The following CETP variants were observed in gnomAD, a reference collection of about 807,000 sequenced individuals.
CETP encodes BPI fold containing family F.
A neutral mutation model predicts 66.5 loss-of-function variants in CETP; 56 were observed. The ratio of observed to expected loss-of-function variants is 0.84; its 90% CI spans 0.68 to 1.05. CETP has a LOEUF of 1.05. CETP is among the 50% of genes least tolerant of loss of function. The pLI, the probability that CETP is intolerant of heterozygous loss-of-function variation, is 0.00. For missense variants in CETP, 612 were observed against 609.6 expected (o/e 1.00, Z -0.04); for synonymous variants, 251 against 245.7 (o/e 1.02, Z -0.20).
chr16:56,964,120 G>A (rs1054629225), intron 2 of CETP, among the ~76,000 whole-genome samples: 1 of 151,554 alleles, frequency 6.6e-6, no homozygotes, highest in African/African-American at 2.4e-5. Flanking sequence ...TCCACCTCCC[G>A]GGTTCAAGAC....
chr16:56,971,088 G>A lies in CETP; in HGVS notation c.583G>A (p.Val195Ile). 2 of 1,614,058 alleles carry A rather than the reference G, an allele frequency of 1.2e-6. No homozygotes were observed. Among genetic ancestry groups the A allele is most frequent in the South Asian group, 1.1e-5 (1 of 91,080 alleles). ...TTTCATCTCCTTCACCCTGAAGCTG[G>A]TCCTGAAGGGACAGGTGAGTGAGGC... ...TNFISFTLKL[V>I]LKGQICKEIN... Residue 195 changes from valine to isoleucine, a missense_variant, in exon 6 of 16, where the codon GTC (valine) becomes ATC (isoleucine). Transcript: ENST00000200676.
intron 2 of CETP, among the ~76,000 whole-genome samples, chr16:56,967,550 GA>G (rs2056076353): frequency 6.6e-6 from 1 of 151,620 alleles, no homozygotes. Flanking sequence ...AGCTACTAGG[GA>G]GGCTGAGGCA....
Position 56,978,078 on chromosome 16 carries a change from C to T in CETP, c.982-13C>T. 1.9e-6 allele frequency: 3 copies of T among 1,613,790 alleles called. No individual in the cohort carries two copies. The highest frequency in any genetic ancestry group is 2.7e-5 in the African/African-American group (2 of 75,068). On this transcript the variant is annotated splice_polypyrimidine_tract_variant and intron_variant, in intron 10 of 15. Transcript: ENST00000200676. ...GGCCCCTGTCCTGGCCATGGGACCC[C>T]TGTCTTCCACAGGTTGTCGGCGGCT...
At position 56,981,659 on chromosome 16, in the gene CETP, G is replaced by A. The variant is rs2142006540; in HGVS notation, c.1227G>A (p.Lys409=). 6.2e-7 allele frequency: 1 copy of A among 1,613,974 alleles called. No individual in the cohort carries two copies. Among genetic ancestry groups the A allele is most frequent in the Non-Finnish European group, 8.5e-7 (1 of 1,179,844 alleles). The change falls in exon 13 of 16, where the codon AAG becomes AAA. Residue 409 remains lysine, a synonymous_variant. Transcript: ENST00000200676. ...LSLLDFQITP[K]TVSNLTESSS... ...TTTTTTATTTCAGGATTACACCAAA[G>A]ACTGTTTCCAACTTGACTGAGGTAG...
rs138725242 is a variant in CETP at position 56,978,222 on chromosome 16, C to A, written c.1113C>A (p.Asp371Glu). The change falls in exon 11 of 16, where the codon GAC becomes GAA. Residue 371 changes from aspartate to glutamate, a missense_variant. Asp to Glu is a conservative substitution (Grantham distance 45). Coordinates refer to ENST00000200676, the MANE Select transcript of CETP (RefSeq NM_000078.3). ...VMVKFLFPRPDQQHSVAYTFE... is the reference protein window; with the variant it reads ...VMVKFLFPRPEQQHSVAYTFE... The stretch of plus-strand genomic sequence containing the variant: ...TGAAATTCCTCTTTCCACGCCCAGA[C>A]CAGCAACATTCTGTAGCTTACACAT... 33 of 1,614,118 alleles carry A rather than the reference C, an allele frequency of 2.0e-5. No individual in the cohort carries two copies. The highest frequency in any genetic ancestry group is 2.8e-5 in the Non-Finnish European group (33 of 1,180,052).
At chr16:56,968,481 T>G (rs1015695108) in intron 2 of CETP, among the ~76,000 whole-genome samples, 8 of 152,276 alleles carry the variant, frequency 5.3e-5, no homozygotes, top group African/African-American at 1.9e-4. Flanking sequence ...GCCACCACGC[T>G]GGCCCACCAA....
intron 1 of CETP, 63 bp downstream of exon 1, chr16:56,962,160 G>C: frequency 7.1e-7 from 1 of 1,409,632 alleles, no homozygotes; most frequent in Non-Finnish European, 1.0e-6. Flanking sequence ...ACTATGCCAG[G>C]AGCCTCCCTG....
chr16:56,963,892 C>T (rs2056044631), intron 2 of CETP, among the ~76,000 whole-genome samples: 1 of 152,144 alleles, frequency 6.6e-6, no homozygotes, highest in African/African-American at 2.4e-5. Context: ...TGGTCTCCAA[C>T]TCCTGACCTC....
In CETP at chr16:56,963,071, C is replaced by A; in HGVS notation, c.180C>A (p.Ile60=). The A allele has an allele frequency of 1.2e-6, 2 of 1,614,184 alleles. No homozygotes were observed. The highest frequency in any genetic ancestry group is 1.7e-6 in the Non-Finnish European group (2 of 1,180,010). Residue 60 remains isoleucine, a synonymous_variant, in exon 2 of 16, where the codon ATC becomes ATA. Transcript: ENST00000200676. ...TCCAGCGAGCCAGCTACCCAGATAT[C>A]ACGGGCGAGAAGGCCATGATGCTCC... ...TAFQRASYPD[I]TGEKAMMLLG...
rs564161705 is a variant in CETP, at chr16:56,975,241, C to G, written c.981+90C>G. 4.6e-6 allele frequency: 5 copies of G among 1,078,112 alleles called. No homozygotes were observed. The East Asian group carries it at 1.2e-4, about 26-fold the overall frequency. 66.8% of individuals were successfully genotyped at this position (1,078,112 alleles called of 1,614,324 possible). On this transcript the variant is annotated intron_variant, in intron 10 of 15. Transcript: ENST00000200676. ...AGCCCCCACACAGCCAATAACACCACCAATGGCAACAATTATAACAGCGAA... is the reference window on the plus strand; with the variant it reads ...AGCCCCCACACAGCCAATAACACCAGCAATGGCAACAATTATAACAGCGAA...
intron 2 of CETP, among the ~76,000 whole-genome samples, chr16:56,968,024 C>A (rs1238732932): frequency 1.3e-5 from 2 of 151,054 alleles, no homozygotes; most frequent in Non-Finnish European, 2.9e-5. Context: ...CTAGTTGTTT[C>A]CTATACCAGA....
chr16:56,967,172 AC>A, intron 2 of CETP, among the ~76,000 whole-genome samples: 1 of 148,932 alleles, frequency 6.7e-6, no homozygotes, highest in East Asian at 2.0e-4. Flanking sequence ...ACATGGTGAA[AC>A]CCTATCTCTA....
At chr16:56,968,652 A>T (rs544511253) in intron 2 of CETP, among the ~76,000 whole-genome samples, 1 of 151,288 alleles carries the variant, frequency 6.6e-6, no homozygotes, top group African/African-American at 2.4e-5. Flanking sequence ...GTATTCTCTC[A>T]TAATTCCTTT....
In CETP at chr16:56,963,124, A is replaced by G; in HGVS notation, c.233A>G (p.Asn78Ser). Reference sequence around the variant, plus strand: ...GGCCAAGTCAAGTATGGGTTGCACAAGTGAGTCGGGCCTCGGGTGTGACCA... The same window carrying G: ...GGCCAAGTCAAGTATGGGTTGCACAGGTGAGTCGGGCCTCGGGTGTGACCA... ...LLGQVKYGLH[N>S]IQISHLSIAS... is the part of the protein sequence containing the mutation. Residue 78 changes from asparagine (N) to serine (S), a missense_variant and splice_region_variant, in exon 2 of 16, where the codon AAC (asparagine) becomes AGC (serine). Coordinates refer to ENST00000200676, the MANE Select transcript of CETP (RefSeq NM_000078.3). The G allele has an allele frequency of 6.2e-7, 1 of 1,611,870 alleles. No homozygotes were observed. The highest frequency in any genetic ancestry group is 8.5e-7 in the Non-Finnish European group (1 of 1,178,650).
In CETP at chr16:56,972,060, T is replaced by C. The variant is rs1381352561; in HGVS notation, c.727T>C (p.Ser243Pro). ...SLTGDPVITA[S>P]YLESHHKGHF... ...GACAGGTGATCCCGTCATCACAGCC[T>C]CCTACCTGGAGTCCCATCACAAGGT... is the stretch of plus-strand genomic sequence containing the variant. Residue 243 changes from serine (S) to proline (P), a missense_variant, in exon 8 of 16, where the codon TCC becomes CCC. Ser to Pro is a moderately conservative substitution (Grantham distance 74). Transcript: ENST00000200676. 1.2e-6 allele frequency: 2 copies of C among 1,614,000 alleles called. No individual in the cohort carries two copies. Among genetic ancestry groups the C allele is most frequent in the Non-Finnish European group, 1.7e-6 (2 of 1,179,898 alleles).
At chr16:56,972,536 G>A (rs567722580) in intron 8 of CETP, among the ~76,000 whole-genome samples, 13 of 152,290 alleles carry the variant, frequency 8.5e-5, no homozygotes, top group South Asian at 4.1e-4. Flanking sequence ...GCAGCCCCGC[G>A]GGATCAGGAG....
rs17231583 is a variant in CETP, at chr16:56,966,048, G to C, written c.233+2924G>C. Among the ~76,000 whole-genome samples, 792 of 152,166 alleles carry C rather than the reference G, an allele frequency of 5.2e-3. 12 individuals carry two copies. The highest frequency in any genetic ancestry group is 0.018 in the African/African-American group (753 of 41,458). On this transcript the variant is annotated intron_variant, in intron 2 of 15. Coordinates refer to ENST00000200676, the MANE Select transcript of CETP (RefSeq NM_000078.3). The stretch of plus-strand genomic sequence containing the variant: ...TGTCACCTCCTCCCAGAAGCCCTCT[G>C]TATCAGTTTCCTGTTTTCTGCCATA...
intron 2 of CETP, among the ~76,000 whole-genome samples, chr16:56,964,183 C>T (rs1380217700): frequency 2.0e-5 from 3 of 151,862 alleles, no homozygotes; most frequent in South Asian, 2.1e-4. Context: ...CCCACCACCA[C>T]GCCCGGCTAA....
At chr16:56,964,564 G>C (rs2056051988) in intron 2 of CETP, among the ~76,000 whole-genome samples, 1 of 152,176 alleles carries the variant, frequency 6.6e-6, no homozygotes, top group Non-Finnish European at 1.5e-5. Flanking sequence ...GGGTGGGGCA[G>C]ACATTGTTCA....
Sources: allele counts gnomAD v4.1 joint callset (sites outside exome capture counted in the v4.1 genomes callset), GRCh38; gene constraint gnomAD v4.1.1; transcripts MANE v1.5; gene names NCBI Gene and HGNC (gene_info 2026-07-23, HGNC 2026-07-21).